MPRIP: variants seen among roughly 807,000 people sequenced by gnomAD.
The protein encoded by MPRIP is myosin phosphatase Rho-interacting protein.
In MPRIP, 59 loss-of-function variants were observed where a neutral mutation model predicts 234.9. The observed-to-expected ratio is 0.25, with a 90% CI of 0.20 to 0.31. The LOEUF (loss-of-function observed/expected upper bound fraction) is 0.31, where lower values mean the gene tolerates loss of function less well. Ranked by LOEUF, MPRIP falls within the 10% of genes least tolerant of loss-of-function variation. MPRIP has a pLI of 1.00. For synonymous variants in MPRIP, 1,144 were observed against 1,263.9 expected, an observed-to-expected ratio of 0.91 and a Z score of 2.01; for missense variants, 2,436 against 3,071.0, an observed-to-expected ratio of 0.79 and a Z score of 4.89.
chr17:17,181,328 G>A (rs2046370770), intron 23 of MPRIP, among the ~76,000 whole-genome samples: 4 of 152,084 alleles, frequency 2.6e-5, no homozygotes, highest in Non-Finnish European at 4.4e-5. Context: ...GCTTGATCTC[G>A]TTCATCCCGG....
intron 5 of MPRIP, among the ~76,000 whole-genome samples, chr17:17,133,838 G>A (rs574665618): frequency 6.4e-4 from 97 of 152,300 alleles, no homozygotes; most frequent in East Asian, 5.8e-4. Context: ...CCTGAGAGGC[G>A]TGGGCTCCAG....
At chr17:17,171,451 C>T in intron 16 of MPRIP, 1 of 379,220 alleles carries the variant, frequency 2.6e-6, no homozygotes, top group Non-Finnish European at 4.7e-6. Flanking sequence ...CAACTTCTCC[C>T]AGGAAGAAAT....
At chr17:17,151,086 G>A (rs977551851) in intron 12 of MPRIP, among the ~76,000 whole-genome samples, 1 of 151,368 alleles carries the variant, frequency 6.6e-6, no homozygotes, top group African/African-American at 2.4e-5. Context: ...GCCCAGGAGG[G>A]TTTTGAACCC....
chr17:17,107,950 G>A (rs538950156), intron 3 of MPRIP, among the ~76,000 whole-genome samples: 3 of 152,310 alleles, frequency 2.0e-5, no homozygotes, highest in African/African-American at 7.2e-5. Context: ...GAGGTTGCTC[G>A]CTGCTCAGGG....
At chr17:17,160,777 G>A (rs1031813905) in intron 14 of MPRIP, among the ~76,000 whole-genome samples, 5 of 152,224 alleles carry the variant, frequency 3.3e-5, no homozygotes, top group African/African-American at 1.2e-4. Context: ...AGTGGTCCCT[G>A]TAGAGCCTAG....
At chr17:17,180,775 C>A in intron 23 of MPRIP, 1 of 1,212,276 alleles carries the variant, frequency 8.2e-7, no homozygotes, top group South Asian at 1.3e-5. Context: ...CAAACACATA[C>A]CAAATCCAAG....
At chr17:17,183,806 G>A (rs1161792444) in intron 23 of MPRIP, among the ~76,000 whole-genome samples, 1 of 152,226 alleles carries the variant, frequency 6.6e-6, no homozygotes, top group Non-Finnish European at 1.5e-5. Flanking sequence ...ATGGGGTACA[G>A]CCTGCAGTTT....
At chr17:17,067,072 A>G (rs967632636) in intron 1 of MPRIP, among the ~76,000 whole-genome samples, 33 of 151,980 alleles carry the variant, frequency 2.2e-4, no homozygotes, top group African/African-American at 7.7e-4. Flanking sequence ...TACTTTTTCT[A>G]TCTTACCTGG....
At chr17:17,114,300 T>C (rs1002527891) in intron 3 of MPRIP, among the ~76,000 whole-genome samples, 4 of 152,206 alleles carry the variant, frequency 2.6e-5, no homozygotes, top group African/African-American at 9.7e-5. Context: ...AGGAGCTGTT[T>C]ATTCTAGATA....
At position 17,158,527 on chromosome 17, in the gene MPRIP, C is replaced by G. The variant is rs2045784005; in HGVS notation, c.1925C>G (p.Pro642Arg). The G allele has an allele frequency of 6.2e-7, 1 of 1,611,726 alleles. No homozygotes were observed. Among genetic ancestry groups the G allele is most frequent in the African/African-American group, 1.3e-5 (1 of 74,906 alleles). ...KQEAELGEPD[P>R]EQKRSRARER... ...GAGGCAGAGCTGGGGGAGCCGGACCCTGAGCAGAAGAGGAGCCGCGCACGG... is the reference window on the plus strand; with the variant it reads ...GAGGCAGAGCTGGGGGAGCCGGACCGTGAGCAGAAGAGGAGCCGCGCACGG... Residue 642 changes from proline (P) to arginine (R), a missense_variant, in exon 14 of 24, where the codon CCT (proline) becomes CGT (arginine). Transcript: ENST00000651222.
intron 1 of MPRIP, among the ~76,000 whole-genome samples, chr17:17,071,708 T>C (rs1028457880): frequency 6.6e-6 from 1 of 152,108 alleles, no homozygotes; most frequent in African/African-American, 2.4e-5. Context: ...CCGAGTTTAA[T>C]TGGAGAGGAG....
intron 1 of MPRIP, among the ~76,000 whole-genome samples, chr17:17,043,425 C>T (rs888190476): frequency 2.6e-5 from 4 of 152,092 alleles, no homozygotes; most frequent in Non-Finnish European, 5.9e-5. Flanking sequence ...CACTGTCAAG[C>T]ACTGGAGAGA....
chr17:17,111,577 C>T (rs2041952330), intron 3 of MPRIP, among the ~76,000 whole-genome samples: 1 of 152,222 alleles, frequency 6.6e-6, no homozygotes, highest in African/African-American at 2.4e-5. Flanking sequence ...CGGGTGGCCC[C>T]TGAGAGACCA....
intron 7 of MPRIP, 101 bp from the exon 8 acceptor site, chr17:17,142,526 G>C: frequency 7.2e-7 from 1 of 1,398,308 alleles, no homozygotes; most frequent in Admixed American, 1.9e-5. Context: ...AAGCCTGAGG[G>C]GAATCAGGCC....
chr17:17,160,984 G>A (rs1413714581), intron 14 of MPRIP, among the ~76,000 whole-genome samples: 1 of 152,204 alleles, frequency 6.6e-6, no homozygotes, highest in East Asian at 1.9e-4. Context: ...GGCATCCAGG[G>A]GTGCCTGGAG....
intron 3 of MPRIP, among the ~76,000 whole-genome samples, chr17:17,083,943 G>A (rs9907109): frequency 1.3e-5 from 2 of 151,978 alleles, no homozygotes; most frequent in African/African-American, 4.8e-5. Context: ...CGGTTTCATC[G>A]TGTTAGCCAG....
chr17:17,176,006 C>G (rs1321789019), intron 20 of MPRIP, among the ~76,000 whole-genome samples: 1 of 152,188 alleles, frequency 6.6e-6, no homozygotes, highest in Admixed American at 6.5e-5. Context: ...TCAGCTCCTG[C>G]CCCGAGTCCA....
At chr17:17,162,778 C>T (rs2045901217) in intron 15 of MPRIP, among the ~76,000 whole-genome samples, 1 of 152,214 alleles carries the variant, frequency 6.6e-6, no homozygotes, top group African/African-American at 2.4e-5. Flanking sequence ...AAAGGAAATG[C>T]TCACTGGAGC....
chr17:17,188,147 CA>C lies in MPRIP; in HGVS notation c.*3254del, dbSNP rs2046512816. On this transcript the variant is annotated 3_prime_UTR_variant, in exon 24 of 24. Coordinates refer to ENST00000651222, the MANE Select transcript of MPRIP (RefSeq NM_001364716.4). Reference sequence around the variant, plus strand: ...CAGGCAGGTGTGGAGACCAGCATTTCAGAGGACGCGCTGTCCACAGCCTCCC... The same window carrying C: ...CAGGCAGGTGTGGAGACCAGCATTTCGAGGACGCGCTGTCCACAGCCTCCC... 6.6e-6 allele frequency: 1 copy of C among 152,230 alleles called. No homozygotes were observed. The highest frequency in any genetic ancestry group is 1.5e-5 in the Non-Finnish European group (1 of 68,052). 9.4% of individuals were successfully genotyped at this position (152,230 alleles called of 1,614,324 possible). A position where few individuals can be genotyped will look rare whatever the true frequency, so the allele number is the denominator to read the frequency against.
Sources: allele counts gnomAD v4.1 joint callset (sites outside exome capture counted in the v4.1 genomes callset), GRCh38; gene constraint gnomAD v4.1.1; transcripts MANE v1.5; gene names NCBI Gene and HGNC (gene_info 2026-07-23, HGNC 2026-07-21).